The following EFHB variants were observed in gnomAD, a reference collection of about 807,000 sequenced individuals.
EFHB encodes EF-hand domain-containing family member B.
A neutral mutation model predicts 87.2 loss-of-function variants in EFHB; 91 were observed. The ratio of observed to expected loss-of-function variants is 1.04; its 90% CI spans 0.88 to 1.24. The LOEUF (loss-of-function observed/expected upper bound fraction) is 1.24. EFHB is among the 50% of genes most tolerant of loss of function. EFHB has a pLI of 0.00. For missense variants in EFHB, 1,084 were observed against 998.8 expected (o/e 1.09, Z -1.15); for synonymous variants, 325 against 333.6 (o/e 0.97, Z 0.28).
At chr3:19,885,177 G>A (rs921974513) in intron 10 of EFHB, among the ~76,000 whole-genome samples, 5 of 150,938 alleles carry the variant, frequency 3.3e-5, no homozygotes, top group African/African-American at 7.3e-5. Flanking sequence ...AGCCGAGATC[G>A]CGCCATTGCA....
At chr3:19,879,959 T>C (rs182439296) in intron 12 of EFHB, among the ~76,000 whole-genome samples, 155 bp from the exon 13 acceptor site, 2 of 152,318 alleles carry the variant, frequency 1.3e-5, no homozygotes, top group East Asian at 1.9e-4. Flanking sequence ...CATGTGCTTG[T>C]ATATATACAT....
At chr3:19,917,787 C>T (rs561958996) in intron 4 of EFHB, among the ~76,000 whole-genome samples, 8 of 152,248 alleles carry the variant, frequency 5.3e-5, no homozygotes, top group South Asian at 4.1e-4. Context: ...GTAGACCTCA[C>T]GGATCTGCAT....
chr3:19,908,576 GAGAGAGAGAGAGAGAGAGAGAGAGAA>G (rs1431778684), intron 5 of EFHB, among the ~76,000 whole-genome samples: 9 of 95,708 alleles, frequency 9.4e-5, no homozygotes, highest in African/African-American at 4.4e-4. Flanking sequence ...GAGAGAGAGA[GAGAGAGAGAGAGAGAGAGAGAGAGAA>G]AGAAAGAAAG....
At chr3:19,937,123 C>A (rs185955487), upstream of EFHB, among the ~76,000 whole-genome samples, 133 of 150,832 alleles carry the variant, frequency 8.8e-4, no homozygotes, top group African/African-American at 3.1e-3. Context: ...GAGCCGAGAT[C>A]GCACCACTGC....
At chr3:19,884,219 G>A (rs888033861) in intron 11 of EFHB, 184 bp downstream of exon 11, 6 of 582,512 alleles carry the variant, frequency 1.0e-5, no homozygotes, top group African/African-American at 1.9e-5. Context: ...GGTCATCATT[G>A]GCAATTCCGT....
In EFHB at chr3:19,888,511, G is replaced by A. The variant is rs4858714; in HGVS notation, c.1866C>T (p.Phe622=). The change falls in exon 10 of 13, where the codon TTC becomes TTT. Residue 622 remains phenylalanine, a synonymous_variant. Transcript: ENST00000295824. ...TGTCTTTCCAGTTAAGAAAATTTGC[G>A]AATTCCAGATAGTTAATGAAGCCAT... ...DNDGFINYLE[F]ANFLNWKDKM... The A allele has an allele frequency of 0.26, 406,722 of 1,575,614 alleles. 56,747 individuals are homozygous for A. The highest frequency in any genetic ancestry group is 0.42 in the African/African-American group (31,433 of 74,146).
chr3:19,912,996 A>G (rs1417088112), intron 5 of EFHB, among the ~76,000 whole-genome samples: 1 of 152,240 alleles, frequency 6.6e-6, no homozygotes, highest in Admixed American at 6.5e-5. Context: ...CAACATTAGC[A>G]GTGGCTAATG....
chr3:19,910,085 T>A, intron 5 of EFHB, among the ~76,000 whole-genome samples: 1 of 151,558 alleles, frequency 6.6e-6, no homozygotes, highest in Non-Finnish European at 1.5e-5. Flanking sequence ...GAGGGAAAAG[T>A]AAGGGGAACT....
intron 6 of EFHB, among the ~76,000 whole-genome samples, chr3:19,903,505 C>T (rs1294286688): frequency 6.6e-6 from 1 of 151,788 alleles, no homozygotes; most frequent in African/African-American, 2.4e-5. Context: ...TTATAAATAT[C>T]TGTAGTCCTT....
At chr3:19,914,448 C>T (rs1302528336) in intron 5 of EFHB, among the ~76,000 whole-genome samples, 1 of 152,060 alleles carries the variant, frequency 6.6e-6, no homozygotes, top group Non-Finnish European at 1.5e-5. Flanking sequence ...TATTTTATAG[C>T]ACTATAAACA....
chr3:19,909,367 A>T (rs1387449188), intron 5 of EFHB, among the ~76,000 whole-genome samples: 1 of 152,082 alleles, frequency 6.6e-6, no homozygotes, highest in Non-Finnish European at 1.5e-5. Context: ...GCAGCATTTA[A>T]ATCAGCCCCA....
intron 9 of EFHB, among the ~76,000 whole-genome samples, chr3:19,893,148 G>A (rs932234139): frequency 6.6e-6 from 1 of 151,748 alleles, no homozygotes; most frequent in Non-Finnish European, 1.5e-5. Flanking sequence ...ATGGAGTTTC[G>A]CCATGTTGGT....
At chr3:19,916,526 T>A (rs2125148467) in intron 4 of EFHB, among the ~76,000 whole-genome samples, 1 of 151,710 alleles carries the variant, frequency 6.6e-6, no homozygotes, top group African/African-American at 2.4e-5. Flanking sequence ...AAAAAAAAAT[T>A]AATTCATTAA....
chr3:19,915,365 ACTT>A lies in EFHB; in HGVS notation c.1223_1225del (p.Glu408del), dbSNP rs1392911027. ...ATGTCCTTCATTTCCTTCTTTAAAT[ACTT>A]CTTCATAGGATTTTGGTGGATTCAC... On this transcript the variant is annotated inframe_deletion, in exon 5 of 13. Coordinates refer to ENST00000295824, the MANE Select transcript of EFHB (RefSeq NM_144715.4). 2 of 1,613,230 alleles carry A rather than the reference ACTT, an allele frequency of 1.2e-6. No homozygotes were observed. Among genetic ancestry groups the A allele is most frequent in the South Asian group, 2.2e-5 (2 of 90,962 alleles).
intron 8 of EFHB, among the ~76,000 whole-genome samples, chr3:19,897,114 T>C (rs1694516466): frequency 6.6e-6 from 1 of 152,218 alleles, no homozygotes; most frequent in Non-Finnish European, 1.5e-5. Context: ...CGCACTCAAC[T>C]GTCAAGTCTT....
At chr3:19,941,749 C>T (rs1360974473) in intron 1 of EFHB, among the ~76,000 whole-genome samples, 6 of 150,894 alleles carry the variant, frequency 4.0e-5, no homozygotes, top group African/African-American at 7.3e-5. Context: ...CCCAGCTACT[C>T]GGGAGGCTGA....
chr3:19,912,399 C>CA (rs928443406), intron 5 of EFHB, among the ~76,000 whole-genome samples: 36 of 148,004 alleles, frequency 2.4e-4, no homozygotes, highest in South Asian at 2.1e-4. Context: ...TCTCACAGGC[C>CA]AAAAAAAAAG....
intron 1 of EFHB, chr3:19,940,812 C>T (rs1348974058): frequency 1.3e-5 from 5 of 380,322 alleles, no homozygotes; most frequent in African/African-American, 8.4e-5. Context: ...TTGAAACTTG[C>T]CAAGCAGGTT....
rs763447735 is a variant in EFHB, at chr3:19,888,575, A to G, written c.1802T>C (p.Leu601Pro). 2 of 1,603,476 alleles carry G rather than the reference A, an allele frequency of 1.2e-6. No individual in the cohort carries two copies. The highest frequency in any genetic ancestry group is 3.4e-5 in the Admixed American group (2 of 58,612). The change falls in exon 10 of 13, where the codon CTC becomes CCC. Residue 601 changes from leucine (L) to proline (P), a missense_variant. Transcript: ENST00000295824. The part of the protein sequence containing the change: ...DQANLSLDDK[L>P]LDQLFDYCDV... Reference sequence around the variant, plus strand: ...ACAGTAGTCAAATAGCTGGTCCAGGAGCTTGTCATCTAAACTCAAGTTGGC... The same window carrying G: ...ACAGTAGTCAAATAGCTGGTCCAGGGGCTTGTCATCTAAACTCAAGTTGGC...
Sources: allele counts gnomAD v4.1 joint callset (sites outside exome capture counted in the v4.1 genomes callset), GRCh38; gene constraint gnomAD v4.1.1; transcripts MANE v1.5; gene names NCBI Gene and HGNC (gene_info 2026-07-23, HGNC 2026-07-21).